The following ERI1 variants were observed in gnomAD, a reference collection of about 807,000 sequenced individuals.
ERI1 encodes exoribonuclease 1, also known as 3'-5' exoribonuclease 1.
ERI1 carries 39 observed loss-of-function variants against 39.7 expected under a neutral mutation model. The ratio of observed to expected loss-of-function variants is 0.98; its 90% CI spans 0.76 to 1.28. ERI1 has a LOEUF of 1.28. Among genes scored for constraint, ERI1 ranks in the 50% most tolerant of loss-of-function variants. The pLI, the probability that ERI1 is intolerant of heterozygous loss-of-function variation, is 0.00. For missense variants in ERI1, 581 were observed against 416.9 expected (o/e 1.39, Z -3.43); for synonymous variants, 204 against 149.6 (o/e 1.36, Z -2.65).
At chr8:9,051,599 G>C (rs925553846) in intron 3 of ERI1, among the ~76,000 whole-genome samples, 2 of 151,790 alleles carry the variant, frequency 1.3e-5, no homozygotes, top group East Asian at 1.9e-4. Context: ...AGATGTTGCA[G>C]TGAGCCGAGA....
At chr8:9,004,406 C>T in intron 1 of ERI1, 1 of 532,742 alleles carries the variant, frequency 1.9e-6, no homozygotes, top group Non-Finnish European at 2.6e-6. Flanking sequence ...TACTTAAGGC[C>T]TAGGTCTCTG....
At chr8:9,024,795 T>C (rs1393392469) in intron 6 of ERI1, among the ~76,000 whole-genome samples, 1 of 152,164 alleles carries the variant, frequency 6.6e-6, no homozygotes, top group East Asian at 1.9e-4. Flanking sequence ...AAGGATGAAA[T>C]ACACCTCTTG....
intron 3 of ERI1, among the ~76,000 whole-genome samples, chr8:9,084,434 C>A (rs900961673): frequency 1.3e-5 from 2 of 152,174 alleles, no homozygotes; most frequent in African/African-American, 4.8e-5. Context: ...TGCCCTAAAC[C>A]TGAACATTGG....
At chr8:9,024,566 G>GCCT (rs1006265294) in intron 6 of ERI1, among the ~76,000 whole-genome samples, 3 of 151,986 alleles carry the variant, frequency 2.0e-5, no homozygotes, top group Non-Finnish European at 2.9e-5. Flanking sequence ...GATTACAGGT[G>GCCT]CCTCCCACCA....
chr8:9,022,475 A>C (rs1818014663), intron 6 of ERI1, among the ~76,000 whole-genome samples: 1 of 152,114 alleles, frequency 6.6e-6, no homozygotes, highest in Admixed American at 6.6e-5. Flanking sequence ...ATCTTGGCTC[A>C]CTGCAACCCT....
chr8:9,098,592 G>A (rs1261794915), intron 3 of ERI1, among the ~76,000 whole-genome samples: 1 of 151,968 alleles, frequency 6.6e-6, no homozygotes, highest in East Asian at 1.9e-4. Context: ...GGGAGGTGAG[G>A]GATAAAAAGA....
chr8:9,075,024 C>T (rs1463865334), intron 3 of ERI1, among the ~76,000 whole-genome samples: 1 of 152,176 alleles, frequency 6.6e-6, no homozygotes, highest in Non-Finnish European at 1.5e-5. Flanking sequence ...GCCCATTATT[C>T]CTTTCCTGAA....
intron 6 of ERI1, among the ~76,000 whole-genome samples, chr8:9,023,730 A>G (rs1169650329): frequency 2.0e-5 from 3 of 150,682 alleles, no homozygotes; most frequent in African/African-American, 4.9e-5. Context: ...TCTGCTGTAT[A>G]TAATGCTAAT....
intron 3 of ERI1, chr8:9,091,658 T>A (rs1160083571): frequency 6.6e-6 from 1 of 152,230 alleles, no homozygotes; most frequent in East Asian, 1.9e-4. Context: ...TTGACTGTGG[T>A]TCTTAGGTCA....
At chr8:9,090,307 C>G (rs978802174) in intron 3 of ERI1, among the ~76,000 whole-genome samples, 2 of 152,130 alleles carry the variant, frequency 1.3e-5, no homozygotes, top group African/African-American at 4.8e-5. Flanking sequence ...TGGGAGGACA[C>G]CTTGGTGCCA....
intron 3 of ERI1, among the ~76,000 whole-genome samples, chr8:9,084,038 C>A (rs1799450645): frequency 6.6e-6 from 1 of 152,160 alleles, no homozygotes; most frequent in African/African-American, 2.4e-5. Flanking sequence ...CATGATCAAC[C>A]CGCCTCGGCC....
chr8:9,030,568 C>G lies in ERI1; in HGVS notation c.*534C>G, dbSNP rs1413645358. The G allele has an allele frequency of 6.5e-6, 1 of 154,338 alleles. No homozygotes were observed. The highest frequency in any genetic ancestry group is 1.4e-5 in the Non-Finnish European group (1 of 69,226). The allele number at this position is 154,338 out of a possible 1,614,324, so 9.6% of individuals were successfully genotyped here. ...TTCGTAAGGTACTTGGTATACATAT[C>G]TGCCTATGTTTCTTTTCAACTCATA... On this transcript the variant is annotated 3_prime_UTR_variant, in exon 7 of 7. Coordinates refer to ENST00000250263, the MANE Select transcript of ERI1 (RefSeq NM_153332.4).
At chr8:9,099,607 AAAAAAAAAG>A (rs917613103) in intron 3 of ERI1, among the ~76,000 whole-genome samples, 3 of 151,788 alleles carry the variant, frequency 2.0e-5, no homozygotes, top group African/African-American at 7.3e-5. Context: ...TCAAAAAAAA[AAAAAAAAAG>A]AAAGAAACAG....
intron 3 of ERI1, among the ~76,000 whole-genome samples, chr8:9,059,222 T>A (rs1057345342): frequency 6.6e-6 from 1 of 152,122 alleles, no homozygotes; most frequent in Admixed American, 6.5e-5. Flanking sequence ...TGTGGTGGAA[T>A]GTCATCAGTT....
Position 9,002,904 on chromosome 8 carries a change from C to T in ERI1, c.-160C>T, listed in dbSNP as rs961221384. On this transcript the variant is annotated 5_prime_UTR_variant, in exon 1 of 7. Coordinates refer to ENST00000250263, the MANE Select transcript of ERI1 (RefSeq NM_153332.4). ...GCCCGGCGTGTGGACGCCACACGCTCCCGGAAGTGGGAGGTGGCCGCTGGA... is the reference window on the plus strand; with the variant it reads ...GCCCGGCGTGTGGACGCCACACGCTTCCGGAAGTGGGAGGTGGCCGCTGGA... The T allele has an allele frequency of 1.1e-5, 5 of 457,774 alleles. No individual in the cohort carries two copies. The highest frequency in any genetic ancestry group is 8.9e-5 in the Admixed American group (2 of 22,540). The allele number at this position is 457,774 out of a possible 1,614,324, so 28.4% of individuals were successfully genotyped here. A position where few individuals can be genotyped will look rare whatever the true frequency, so the allele number is the denominator to read the frequency against.
rs117434619 is a variant in ERI1, at chr8:9,039,543, T to C, written n.299+19079T>C. On this transcript the variant is annotated intron_variant and non_coding_transcript_variant, in intron 3 of 3. Transcript: ENST00000518663. ...TTTAAAATTTCCCTTATTTAACTTA[T>C]AACAAGTCGCAGTCATCTGTGGCAA... Among the ~76,000 whole-genome samples, 1,089 of 151,818 alleles carry C rather than the reference T, an allele frequency of 7.2e-3. 47 individuals are homozygous for C. Among genetic ancestry groups the C allele is most frequent in the East Asian group, 0.023 (119 of 5,186 alleles).
At chr8:9,025,139 C>G (rs548262077) in intron 6 of ERI1, among the ~76,000 whole-genome samples, 1 of 152,106 alleles carries the variant, frequency 6.6e-6, no homozygotes, top group Non-Finnish European at 1.5e-5. Flanking sequence ...AGCAGAGATT[C>G]AGAGAAAGGA....
At chr8:9,013,221 C>T (rs755938248) in intron 3 of ERI1, among the ~76,000 whole-genome samples, 17 of 151,214 alleles carry the variant, frequency 1.1e-4, no homozygotes, top group South Asian at 2.1e-4. Context: ...CATCATGTTG[C>T]GCAGGCTGGT....
At position 9,033,107 on chromosome 8, in the gene ERI1, C is replaced by G. The variant is rs956472570; in HGVS notation, c.*3073C>G. ...TTTCCTCTTTGTTCTGCACCACCAA[C>G]CTGTATATCAAGCCTCCTTGCCCCA... is the stretch of plus-strand genomic sequence containing the variant. On this transcript the variant is annotated 3_prime_UTR_variant, in exon 7 of 7. Transcript: ENST00000250263. 1 of 152,152 alleles carries G rather than the reference C, an allele frequency of 6.6e-6. No individual in the cohort carries two copies. The highest frequency in any genetic ancestry group is 1.5e-5 in the Non-Finnish European group (1 of 68,034). 9.4% of individuals were successfully genotyped at this position (152,152 alleles called of 1,614,324 possible). A position where few individuals can be genotyped will look rare whatever the true frequency, so the allele number is the denominator to read the frequency against.
Sources: gnomAD v4.1 joint callset for allele counts (sites outside exome capture counted in the v4.1 genomes callset) on GRCh38, gnomAD v4.1.1 for gene constraint, MANE v1.5 for transcripts, NCBI Gene and HGNC (gene_info 2026-07-23, HGNC 2026-07-21) for gene names.